Variants in SGTA observed in about 807,000 individuals in gnomAD.
The protein encoded by SGTA is small glutamine rich tetratricopeptide repeat co-chaperone alpha, also known as small glutamine-rich tetratricopeptide repeat-containing protein alpha.
SGTA carries 22 observed loss-of-function variants against 44.3 expected under a neutral mutation model. The ratio of observed to expected loss-of-function variants is 0.50; its 90% CI spans 0.36 to 0.71. The LOEUF is 0.71. SGTA is among the 30% of genes least tolerant of loss of function. The pLI, the probability that SGTA is intolerant of heterozygous loss-of-function variation, is 0.00. For synonymous variants in SGTA, 174 were observed against 177.6 expected (o/e 0.98, Z 0.16); for missense variants, 341 against 435.9 (o/e 0.78, Z 1.94).
rs1157962466 is a variant in SGTA, at chr19:2,761,205, G to C, written c.699+255C>G. ...TTGGTGCTCACTACTGATGGGTCTTGCTTGGGACATCAACATTGGGGACAC... is the reference window on the plus strand; with the variant it reads ...TTGGTGCTCACTACTGATGGGTCTTCCTTGGGACATCAACATTGGGGACAC... On this transcript the variant is annotated intron_variant, in intron 8 of 11. Coordinates refer to ENST00000221566, the MANE Select transcript of SGTA (RefSeq NM_003021.4). The surrounding 1 kb of genome is among the most constrained non-coding windows in gnomAD (Gnocchi z 5.7). Among the ~76,000 whole-genome samples, 2 of 152,184 alleles carry C rather than the reference G, an allele frequency of 1.3e-5. No individual in the cohort carries two copies. The highest frequency in any genetic ancestry group is 2.9e-5 in the Non-Finnish European group (2 of 68,032).
At chr19:2,762,451 C>A in intron 7 of SGTA, 55 bp downstream of exon 7, 1 of 1,599,252 alleles carries the variant, frequency 6.3e-7, no homozygotes. Flanking sequence ...GGACCTGTCC[C>A]CCACCCACAC....
chr19:2,760,114 A>G (rs1419621126), intron 8 of SGTA, among the ~76,000 whole-genome samples: 1 of 151,954 alleles, frequency 6.6e-6, no homozygotes, highest in East Asian at 1.9e-4. Context: ...GTGTGTAAAT[A>G]CTCTCAGCCT....
chr19:2,755,829 T>A lies in SGTA; in HGVS notation c.*111A>T. 2 of 985,256 alleles carry A rather than the reference T, an allele frequency of 2.0e-6. No homozygotes were observed. The highest frequency in any genetic ancestry group is 2.4e-6 in the Non-Finnish European group (2 of 829,950). 61.0% of individuals were successfully genotyped at this position (985,256 alleles called of 1,614,324 possible). A position where few individuals can be genotyped will look rare whatever the true frequency, so the allele number is the denominator to read the frequency against. On this transcript the variant is annotated 3_prime_UTR_variant, in exon 12 of 12. Coordinates refer to ENST00000221566, the MANE Select transcript of SGTA (RefSeq NM_003021.4). This position sits in a 1 kb window ranked among gnomAD's most constrained non-coding sequence, Gnocchi z 5.2. ...TCCATCTTGACATGCAGGTCCGAGG[T>A]CTCTCTCTTCCCCTCTCTCAGGCAG... is the stretch of plus-strand genomic sequence containing the variant.
At chr19:2,778,690 G>A (rs552611046) in intron 1 of SGTA, among the ~76,000 whole-genome samples, 24 of 152,282 alleles carry the variant, frequency 1.6e-4, no homozygotes, top group Admixed American at 1.5e-3. Context: ...GTCCCAGGAG[G>A]CTGCACACAT....
At position 2,755,030 on chromosome 19, in the gene SGTA, TGG is replaced by T. The variant is rs1914781284; in HGVS notation, c.*908_*909del. The T allele has an allele frequency of 6.6e-6, 1 of 152,072 alleles. No homozygotes were observed. Among genetic ancestry groups the T allele is most frequent in the Non-Finnish European group, 1.5e-5 (1 of 68,034 alleles). 9.4% of individuals were successfully genotyped at this position (152,072 alleles called of 1,614,324 possible). On this transcript the variant is annotated 3_prime_UTR_variant, in exon 12 of 12. Coordinates refer to ENST00000221566, the MANE Select transcript of SGTA (RefSeq NM_003021.4). This position sits in a 1 kb window ranked among gnomAD's most constrained non-coding sequence, Gnocchi z 5.2. Reference sequence around the variant, plus strand: ...CCTGGTGGCTGTTTTAGGGCCAAGGTGGGTGGCACCTGAGGTGTCCCGTGGCC... The same window carrying T: ...CCTGGTGGCTGTTTTAGGGCCAAGGTGTGGCACCTGAGGTGTCCCGTGGCC...
In SGTA at chr19:2,767,305, A is replaced by G; in HGVS notation, c.208-85T>C. On this transcript the variant is annotated intron_variant, in intron 3 of 11. Coordinates refer to ENST00000221566, the MANE Select transcript of SGTA (RefSeq NM_003021.4). This position sits in a 1 kb window ranked among gnomAD's most constrained non-coding sequence, Gnocchi z 7.3. ...CTTAGCTTCCCTCGGGACGCCAGAG[A>G]GGGCCACCAAGTTCCGAAGGACCCG... The G allele has an allele frequency of 9.2e-7, 1 of 1,089,918 alleles. No homozygotes were observed. Among genetic ancestry groups the G allele is most frequent in the Non-Finnish European group, 1.3e-6 (1 of 746,464 alleles). The allele number at this position is 1,089,918 out of a possible 1,614,324, so 67.5% of individuals were successfully genotyped here.
chr19:2,757,377 G>A lies in SGTA; in HGVS notation c.908C>T (p.Thr303Met), dbSNP rs545509731. 15 of 1,605,956 alleles carry A rather than the reference G, an allele frequency of 9.3e-6. No homozygotes were observed. The South Asian group carries it at 1.2e-4, about 13-fold the overall frequency. The change falls in exon 11 of 12, where the codon ACG becomes ATG. Residue 303 changes from threonine to methionine, a missense_variant. Coordinates refer to ENST00000221566, the MANE Select transcript of SGTA (RefSeq NM_003021.4). ...CTGGTCGTCGTTGCTGGCGCTGGGC[G>A]TCCGACTCCGGATCTGGCTCCTGAG... The part of the protein sequence containing the change: ...EQLRSQIRSR[T>M]PSASNDDQQE
At chr19:2,779,981 T>C (rs1486264317) in intron 1 of SGTA, among the ~76,000 whole-genome samples, 1 of 151,890 alleles carries the variant, frequency 6.6e-6, no homozygotes, top group Non-Finnish European at 1.5e-5. Flanking sequence ...CCCAGCTACT[T>C]GGGAGGCTGA....
At chr19:2,758,801 T>C (rs573228543) in intron 9 of SGTA, among the ~76,000 whole-genome samples, 1 of 152,256 alleles carries the variant, frequency 6.6e-6, no homozygotes, top group South Asian at 2.1e-4. Context: ...TACTCAGCCA[T>C]GAAAAGGAGC....
Position 2,763,585 on chromosome 19 carries a change from A to G in SGTA, c.497+68T>C. 1 of 1,079,734 alleles carries G rather than the reference A, an allele frequency of 9.3e-7. No homozygotes were observed. The highest frequency in any genetic ancestry group is 1.4e-5 in the South Asian group (1 of 70,880). The allele number at this position is 1,079,734 out of a possible 1,614,324, so 66.9% of individuals were successfully genotyped here. A position where few individuals can be genotyped will look rare whatever the true frequency, so the allele number is the denominator to read the frequency against. ...GGGTGGGAAAAAAGCCACACAAGAG[A>G]GGAAGCAGGAGCAGGAGAGGAGGGG... On this transcript the variant is annotated intron_variant, in intron 6 of 11. Transcript: ENST00000221566. This position sits in a 1 kb window ranked among gnomAD's most constrained non-coding sequence, Gnocchi z 5.8.
chr19:2,756,880 AG>A (rs1193638769), intron 11 of SGTA, among the ~76,000 whole-genome samples: 1 of 152,204 alleles, frequency 6.6e-6, no homozygotes, highest in African/African-American at 2.4e-5. Flanking sequence ...CACAAAATGC[AG>A]GCAGAACGCT....
In SGTA at chr19:2,764,856, C is replaced by T. The variant is rs562147726; in HGVS notation, c.392+330G>A. Among the ~76,000 whole-genome samples, 16 of 152,226 alleles carry T rather than the reference C, an allele frequency of 1.1e-4. No homozygotes were observed. In the South Asian group the frequency reaches 3.1e-3, roughly 30 times the overall value. On this transcript the variant is annotated intron_variant, in intron 5 of 11. Coordinates refer to ENST00000221566, the MANE Select transcript of SGTA (RefSeq NM_003021.4). ...TGCTGGAATTACAGACGTGAGCCAC[C>T]GCGCCTGGCCCCCAGACTAATTTTT... is the stretch of plus-strand genomic sequence containing the variant.
intron 8 of SGTA, among the ~76,000 whole-genome samples, chr19:2,760,537 A>C (rs1267425641): frequency 1.3e-5 from 2 of 150,902 alleles, no homozygotes; most frequent in South Asian, 4.3e-4. Context: ...AAAAAAAAAA[A>C]AAACCAAAAA....
chr19:2,759,444 T>C (rs1014228392), intron 8 of SGTA, 150 bp from the exon 9 acceptor site: 17 of 688,130 alleles, frequency 2.5e-5, no homozygotes, highest in Middle Eastern at 2.5e-4. Context: ...TCATACCCTT[T>C]TCCCTACATT....
Position 2,754,809 on chromosome 19 carries a change from C to A in SGTA, c.*1131G>T, listed in dbSNP as rs1426653036. On this transcript the variant is annotated 3_prime_UTR_variant, in exon 12 of 12. Coordinates refer to ENST00000221566, the MANE Select transcript of SGTA (RefSeq NM_003021.4). The surrounding 1 kb of genome is among the most constrained non-coding windows in gnomAD (Gnocchi z 4.4). The stretch of plus-strand genomic sequence containing the variant: ...ACCGCCATGAGCGGCTGCAGGGCCG[C>A]GGCGGCCCCCGTTCCTACTGCTACC... 1 of 152,268 alleles carries A rather than the reference C, an allele frequency of 6.6e-6. No homozygotes were observed. The highest frequency in any genetic ancestry group is 1.5e-5 in the Non-Finnish European group (1 of 68,118). 9.4% of individuals were successfully genotyped at this position (152,268 alleles called of 1,614,324 possible).
rs887928908 is a variant in SGTA at position 2,761,748 on chromosome 19, C to T, written c.637-226G>A. The stretch of plus-strand genomic sequence containing the variant: ...CCCGCACAGCGCGACCGCCCGGGGA[C>T]GGCACAGTCTATCATCCCGTGTTTA... On this transcript the variant is annotated intron_variant, in intron 7 of 11. Coordinates refer to ENST00000221566, the MANE Select transcript of SGTA (RefSeq NM_003021.4). This position sits in a 1 kb window ranked among gnomAD's most constrained non-coding sequence, Gnocchi z 5.7. Among the ~76,000 whole-genome samples, 1 of 147,944 alleles carries T rather than the reference C, an allele frequency of 6.8e-6. No homozygotes were observed. The highest frequency in any genetic ancestry group is 2.5e-5 in the African/African-American group (1 of 39,854).
chr19:2,768,892 A>T, intron 2 of SGTA, 77 bp downstream of exon 2: 1 of 1,064,474 alleles, frequency 9.4e-7, no homozygotes. Context: ...CCAGGCATCT[A>T]CACACCAGGT....
At chr19:2,757,102 G>C (rs1408576129) in intron 11 of SGTA, among the ~76,000 whole-genome samples, 1 of 152,134 alleles carries the variant, frequency 6.6e-6, no homozygotes, top group Admixed American at 6.5e-5. Context: ...GGAAAGGAGT[G>C]GGGAGCAGGA....
In SGTA at chr19:2,767,320, C is replaced by T. The variant is rs1915173942; in HGVS notation, c.208-100G>A. The T allele has an allele frequency of 2.4e-5, 23 of 958,590 alleles. 1 individual carries two copies. The South Asian group carries it at 2.4e-4, about 10-fold the overall frequency. 59.4% of individuals were successfully genotyped at this position (958,590 alleles called of 1,614,324 possible). ...GACGCCAGAGAGGGCCACCAAGTTC[C>T]GAAGGACCCGGGGGCTCTGCAGGGG... On this transcript the variant is annotated intron_variant, in intron 3 of 11. Transcript: ENST00000221566. The surrounding 1 kb of genome is among the most constrained non-coding windows in gnomAD (Gnocchi z 7.3).
Sources: gnomAD v4.1 joint callset for allele counts (sites outside exome capture counted in the v4.1 genomes callset) on GRCh38, gnomAD v4.1.1 for gene constraint, Gnocchi (gnomAD v3.1) non-coding constraint, MANE v1.5 for transcripts, NCBI Gene and HGNC (gene_info 2026-07-23, HGNC 2026-07-21) for gene names.